The following OTOP2 variants were observed in gnomAD, a reference collection of about 807,000 sequenced individuals.
OTOP2 encodes otopetrin 2.
A neutral mutation model predicts 47.4 loss-of-function variants in OTOP2; 41 were observed. The ratio of observed to expected loss-of-function variants is 0.87; its 90% CI spans 0.67 to 1.12. The LOEUF (loss-of-function observed/expected upper bound fraction) is 1.12. OTOP2 is among the 50% of genes most tolerant of loss of function. OTOP2 has a pLI of 0.00. For synonymous variants in OTOP2, 328 were observed against 319.6 expected, an observed-to-expected ratio of 1.03 and a Z score of -0.28; for missense variants, 721 against 752.2, an observed-to-expected ratio of 0.96 and a Z score of 0.49.
Position 74,924,624 on chromosome 17 carries a change from G to A in OTOP2, c.-9G>A, listed in dbSNP as rs1428353985. On this transcript the variant is annotated 5_prime_UTR_variant, in exon 2 of 7. Coordinates refer to ENST00000331427, the MANE Select transcript of OTOP2 (RefSeq NM_178160.3). This position sits in a 1 kb window ranked among gnomAD's most constrained non-coding sequence, Gnocchi z 7.7. ...GTGATCCCTCTAGCCTTCTCCAGTC[G>A]CCTCCGCCATGTCCGAGGAGCTGGC... 6.4e-7 allele frequency: 1 copy of A among 1,554,802 alleles called. No individual in the cohort carries two copies. The highest frequency in any genetic ancestry group is 1.2e-5 in the South Asian group (1 of 83,598).
rs1315273638 is a variant in OTOP2 at position 74,924,995 on chromosome 17, AG to A, written c.313+52del. The A allele has an allele frequency of 6.7e-7, 1 of 1,492,888 alleles. No individual in the cohort carries two copies. The highest frequency in any genetic ancestry group is 1.4e-5 in the African/African-American group (1 of 72,056). The allele number at this position is 1,492,888 out of a possible 1,614,324, so 92.5% of individuals were successfully genotyped here. On this transcript the variant is annotated intron_variant, in intron 2 of 6. Coordinates refer to ENST00000331427, the MANE Select transcript of OTOP2 (RefSeq NM_178160.3). The surrounding 1 kb of genome is among the most constrained non-coding windows in gnomAD (Gnocchi z 7.7). ...TAGGGTGGGCACAACAGGGAGCTGC[AG>A]GCTAGGGCTCTCGCAGGAGTTGCAG...
chr17:74,930,416 A>G lies in OTOP2; in HGVS notation c.781A>G (p.Met261Val). ...CTTCGCCTCCACCATGCTGTATGTC[A>G]TGTGGAAGAATGTGGGTAGATTCCT... ...SLFASTMLYVMWKNVGRFLAS... is the reference protein window; with the variant it reads ...SLFASTMLYVVWKNVGRFLAS... The change falls in exon 6 of 7, where the codon ATG becomes GTG. Residue 261 changes from methionine (M) to valine (V), a missense_variant. Coordinates refer to ENST00000331427, the MANE Select transcript of OTOP2 (RefSeq NM_178160.3). The surrounding 1 kb of genome is among the most constrained non-coding windows in gnomAD (Gnocchi z 4.0). The G allele has an allele frequency of 2.5e-6, 4 of 1,614,106 alleles. No homozygotes were observed. Among genetic ancestry groups the G allele is most frequent in the Non-Finnish European group, 3.4e-6 (4 of 1,180,010 alleles).
chr17:74,933,522 C>A lies in OTOP2; in HGVS notation c.1666C>A (p.Leu556Met). 6.2e-7 allele frequency: 1 copy of A among 1,612,882 alleles called. No homozygotes were observed. The highest frequency in any genetic ancestry group is 1.7e-5 in the Admixed American group (1 of 59,986). The change falls in exon 7 of 7, where the codon CTG (leucine) becomes ATG (methionine). Residue 556 changes from leucine (L) to methionine (M), a missense_variant. Coordinates refer to ENST00000331427, the MANE Select transcript of OTOP2 (RefSeq NM_178160.3). This position sits in a 1 kb window ranked among gnomAD's most constrained non-coding sequence, Gnocchi z 4.7. ...CCGCATGCACGCTGTGTCCAGCCTG[C>A]TGGAGGTCTACGTGCTGTCCTGAGG... ...FYRMHAVSSL[L>M]EVYVLS
Position 74,933,245 on chromosome 17 carries a change from C to A in OTOP2, c.1519-130C>A. ...AATGCTAGAGCTGCCCATTCACTGA[C>A]ACCCAGCCCTCCGTGTCCACCAAGC... is the stretch of plus-strand genomic sequence containing the variant. On this transcript the variant is annotated intron_variant, in intron 6 of 6. Transcript: ENST00000331427. This position sits in a 1 kb window ranked among gnomAD's most constrained non-coding sequence, Gnocchi z 4.7. The A allele has an allele frequency of 8.8e-7, 1 of 1,133,858 alleles. No individual in the cohort carries two copies. The highest frequency in any genetic ancestry group is 1.3e-6 in the Non-Finnish European group (1 of 795,138). 70.2% of individuals were successfully genotyped at this position (1,133,858 alleles called of 1,614,324 possible). A position where few individuals can be genotyped will look rare whatever the true frequency, so the allele number is the denominator to read the frequency against.
In OTOP2 at chr17:74,933,498, C is replaced by T. The variant is rs201682015; in HGVS notation, c.1642C>T (p.Arg548Cys). Reference sequence around the variant, plus strand: ...CTGCCTCCCTTTCGGCATCTTCTACCGCATGCACGCTGTGTCCAGCCTGCT... The same window carrying T: ...CTGCCTCCCTTTCGGCATCTTCTACTGCATGCACGCTGTGTCCAGCCTGCT... The part of the protein sequence containing the change: ...NICLPFGIFY[R>C]MHAVSSLLEV... Residue 548 changes from arginine (R) to cysteine (C), a missense_variant, in exon 7 of 7, where the codon CGC becomes TGC. Coordinates refer to ENST00000331427, the MANE Select transcript of OTOP2 (RefSeq NM_178160.3). The surrounding 1 kb of genome is among the most constrained non-coding windows in gnomAD (Gnocchi z 4.7). 4.3e-6 allele frequency: 7 copies of T among 1,614,042 alleles called. No individual in the cohort carries two copies. Among genetic ancestry groups the T allele is most frequent in the East Asian group, 2.2e-5 (1 of 44,880 alleles).
rs2035835 is a variant in OTOP2, at chr17:74,933,285, G to A, written c.1519-90G>A. 8.9e-6 allele frequency: 13 copies of A among 1,468,186 alleles called. No homozygotes were observed. Among genetic ancestry groups the A allele is most frequent in the South Asian group, 1.3e-5 (1 of 76,280 alleles). The allele number at this position is 1,468,186 out of a possible 1,614,324, so 90.9% of individuals were successfully genotyped here. A position where few individuals can be genotyped will look rare whatever the true frequency, so the allele number is the denominator to read the frequency against. On this transcript the variant is annotated intron_variant, in intron 6 of 6. Transcript: ENST00000331427. This position sits in a 1 kb window ranked among gnomAD's most constrained non-coding sequence, Gnocchi z 4.7. ...GTCCACCAAGCTAGAAGGATGGGCCGCCATCTAGCCACGGCCCAGCAAAAC... is the reference window on the plus strand; with the variant it reads ...GTCCACCAAGCTAGAAGGATGGGCCACCATCTAGCCACGGCCCAGCAAAAC...
At position 74,930,650 on chromosome 17, in the gene OTOP2, A is replaced by G; in HGVS notation, c.1015A>G (p.Thr339Ala). ...CTTCAACATTGTCTGCTTGGGACTC[A>G]CCACCTTGGTCAGCCTGAGCGGCTC... ...YSFNIVCLGL[T>A]TLVSLSGSII... is the part of the protein sequence containing the mutation. Residue 339 changes from threonine to alanine, a missense_variant, in exon 6 of 7, where the codon ACC (threonine) becomes GCC (alanine). Coordinates refer to ENST00000331427, the MANE Select transcript of OTOP2 (RefSeq NM_178160.3). This position sits in a 1 kb window ranked among gnomAD's most constrained non-coding sequence, Gnocchi z 4.0. The G allele has an allele frequency of 6.2e-7, 1 of 1,613,870 alleles. No individual in the cohort carries two copies. The highest frequency in any genetic ancestry group is 8.5e-7 in the Non-Finnish European group (1 of 1,179,984).
rs2039056984 is a variant in OTOP2 at position 74,931,297 on chromosome 17, GA to G, written c.1518+145del. On this transcript the variant is annotated intron_variant, in intron 6 of 6. Coordinates refer to ENST00000331427, the MANE Select transcript of OTOP2 (RefSeq NM_178160.3). ...GCTCTCTAGGAAAGGAGCAGGTTCA[GA>G]GGGGGCCAGCTGTAGCTTTGGGGCA... 4.3e-6 allele frequency: 5 copies of G among 1,163,742 alleles called. No individual in the cohort carries two copies. The South Asian group carries it at 8.2e-5, about 19-fold the overall frequency. 72.1% of individuals were successfully genotyped at this position (1,163,742 alleles called of 1,614,324 possible).
In OTOP2 at chr17:74,933,482, T is replaced by C. The variant is rs2039078423; in HGVS notation, c.1626T>C (p.Pro542=). 3 of 1,614,152 alleles carry C rather than the reference T, an allele frequency of 1.9e-6. No homozygotes were observed. Among genetic ancestry groups the C allele is most frequent in the Non-Finnish European group, 1.7e-6 (2 of 1,179,984 alleles). The change falls in exon 7 of 7, where the codon CCT becomes CCC. Residue 542 remains proline (P), a synonymous_variant. Transcript: ENST00000331427. This position sits in a 1 kb window ranked among gnomAD's most constrained non-coding sequence, Gnocchi z 4.7. ...CGGTCATCGTCAACATCTGCCTCCC[T>C]TTCGGCATCTTCTACCGCATGCACG... is the stretch of plus-strand genomic sequence containing the variant. ...LWAVIVNICL[P]FGIFYRMHAV... is the part of the protein sequence containing the mutation.
At chr17:74,925,006 C>G (rs2038994012) in intron 2 of OTOP2, 61 bp downstream of exon 2, 4 of 1,477,022 alleles carry the variant, frequency 2.7e-6, no homozygotes, top group African/African-American at 1.4e-5. Flanking sequence ...GGCTAGGGCT[C>G]TCGCAGGAGT....
chr17:74,933,253 C>T lies in OTOP2; in HGVS notation c.1519-122C>T. ...AGCTGCCCATTCACTGACACCCAGC[C>T]CTCCGTGTCCACCAAGCTAGAAGGA... On this transcript the variant is annotated intron_variant, in intron 6 of 6. Coordinates refer to ENST00000331427, the MANE Select transcript of OTOP2 (RefSeq NM_178160.3). The surrounding 1 kb of genome is among the most constrained non-coding windows in gnomAD (Gnocchi z 4.7). The T allele has an allele frequency of 8.3e-7, 1 of 1,208,872 alleles. No individual in the cohort carries two copies. The highest frequency in any genetic ancestry group is 1.2e-6 in the Non-Finnish European group (1 of 859,214). The allele number at this position is 1,208,872 out of a possible 1,614,324, so 74.9% of individuals were successfully genotyped here. A position where few individuals can be genotyped will look rare whatever the true frequency, so the allele number is the denominator to read the frequency against.
chr17:74,929,708 G>A (rs975996015), intron 5 of OTOP2, among the ~76,000 whole-genome samples: 5 of 152,154 alleles, frequency 3.3e-5, no homozygotes, highest in African/African-American at 1.2e-4. Flanking sequence ...TTACAGGTGT[G>A]AGCCACTGCA....
chr17:74,931,894 T>C (rs1050089492), intron 6 of OTOP2, among the ~76,000 whole-genome samples: 1 of 145,640 alleles, frequency 6.9e-6, no homozygotes, highest in Non-Finnish European at 1.5e-5. Context: ...AGGCGGAGGT[T>C]GCAGTGAGCT....
Position 74,933,816 on chromosome 17 carries a change from G to T in OTOP2, c.*271G>T. The stretch of plus-strand genomic sequence containing the variant: ...GCATTTCTAGGACCCAACAAGATCT[G>T]GAGGTGCCGGCTCTGGTTCCATCTC... On this transcript the variant is annotated 3_prime_UTR_variant, in exon 7 of 7. Transcript: ENST00000331427. This position sits in a 1 kb window ranked among gnomAD's most constrained non-coding sequence, Gnocchi z 4.7. 1 of 362,368 alleles carries T rather than the reference G, an allele frequency of 2.8e-6. No homozygotes were observed. Among genetic ancestry groups the T allele is most frequent in the Non-Finnish European group, 5.1e-6 (1 of 198,014 alleles). 22.4% of individuals were successfully genotyped at this position (362,368 alleles called of 1,614,324 possible).
rs192884564 is a variant in OTOP2, at chr17:74,929,416, T to G, written c.644-863T>G. 6.8e-4 allele frequency among the ~76,000 whole-genome samples: 104 copies of G among 152,020 alleles called. No homozygotes were observed. In the Middle Eastern group the frequency reaches 0.01, roughly 15 times the overall value. On this transcript the variant is annotated intron_variant, in intron 5 of 6. Transcript: ENST00000331427. Reference sequence around the variant, plus strand: ...TCCTGTGGTTCAAACTGTTTTGTTTTTTTGTTTGTTTGTTTGTTTGTTTGT... The same window carrying G: ...TCCTGTGGTTCAAACTGTTTTGTTTGTTTGTTTGTTTGTTTGTTTGTTTGT...
Position 74,930,256 on chromosome 17 carries a change from C to G in OTOP2, c.644-23C>G. On this transcript the variant is annotated intron_variant, in intron 5 of 6. Transcript: ENST00000331427. The surrounding 1 kb of genome is among the most constrained non-coding windows in gnomAD (Gnocchi z 4.0). ...CTAGGAAGGCAGGAGGGCTGTCCAG[C>G]CCTGTGTCTCTCTCCACAACAGAGC... The G allele has an allele frequency of 6.3e-7, 1 of 1,597,506 alleles. No homozygotes were observed. The highest frequency in any genetic ancestry group is 8.6e-7 in the Non-Finnish European group (1 of 1,167,786).
At chr17:74,927,381 C>T (rs2039017865) in intron 4 of OTOP2, 100 bp downstream of exon 4, 3 of 1,381,292 alleles carry the variant, frequency 2.2e-6, no homozygotes, top group Non-Finnish European at 3.1e-6. Flanking sequence ...TCTTTATGTC[C>T]CCTGGGTGGG....
At position 74,931,080 on chromosome 17, in the gene OTOP2, C is replaced by T; in HGVS notation, c.1445C>T (p.Ser482Leu). 1 of 1,614,088 alleles carries T rather than the reference C, an allele frequency of 6.2e-7. No individual in the cohort carries two copies. Among genetic ancestry groups the T allele is most frequent in the Non-Finnish European group, 8.5e-7 (1 of 1,179,982 alleles). Residue 482 changes from serine (S) to leucine (L), a missense_variant, in exon 6 of 7, where the codon TCA (serine) becomes TTA (leucine). Coordinates refer to ENST00000331427, the MANE Select transcript of OTOP2 (RefSeq NM_178160.3). ...SDQREAVAIV[S>L]TPRSQWRRQC... is the part of the protein sequence containing the mutation. ...CAGCGGGAAGCAGTGGCCATCGTCT[C>T]AACCCCCAGAAGCCAGTGGAGACGC... is the stretch of plus-strand genomic sequence containing the variant.
intron 2 of OTOP2, 147 bp from the exon 3 acceptor site, chr17:74,925,409 T>A: frequency 1.3e-4 from 108 of 812,864 alleles, no homozygotes; most frequent in Non-Finnish European, 1.7e-4. Context: ...CCTCCCACCC[T>A]CCCCATTGAT....
Sources: gnomAD v4.1 joint callset for allele counts (sites outside exome capture counted in the v4.1 genomes callset) on GRCh38, gnomAD v4.1.1 for gene constraint, Gnocchi (gnomAD v3.1) non-coding constraint, MANE v1.5 for transcripts, NCBI Gene and HGNC (gene_info 2026-07-23, HGNC 2026-07-21) for gene names.